Variants in IPCEF1 observed in about 807,000 individuals in gnomAD.
IPCEF1 encodes the protein interaction protein for cytohesin exchange factors 1.
A neutral mutation model predicts 50.9 loss-of-function variants in IPCEF1; 31 were observed. The observed-to-expected ratio is 0.61, with a 90% CI of 0.46 to 0.82. IPCEF1 has a LOEUF of 0.82. Ranked by LOEUF, IPCEF1 falls within the 40% of genes least tolerant of loss-of-function variation. IPCEF1 has a pLI of 0.00. For missense variants in IPCEF1, 458 were observed against 514.0 expected, an observed-to-expected ratio of 0.89 and a Z score of 1.05; for synonymous variants, 181 against 192.0, an observed-to-expected ratio of 0.94 and a Z score of 0.47.
chr6:154,300,991 T>C lies in IPCEF1; in HGVS notation c.-61-11235A>G, dbSNP rs768687326. ...CTTAGCTCCACATTTAAGTGGCTTATAATCAATAAATCTATAAAACAAGTT... is the reference window on the plus strand; with the variant it reads ...CTTAGCTCCACATTTAAGTGGCTTACAATCAATAAATCTATAAAACAAGTT... On this transcript the variant is annotated intron_variant, in intron 1 of 11. Coordinates refer to ENST00000367220, the MANE Select transcript of IPCEF1 (RefSeq NM_001130700.2). Among the ~76,000 whole-genome samples, 88 of 152,366 alleles carry C rather than the reference T, an allele frequency of 5.8e-4. 1 individual carries two copies. The highest frequency in any genetic ancestry group is 1.1e-3 in the Non-Finnish European group (78 of 68,040).
chr6:154,301,028 T>C (rs747077857), intron 1 of IPCEF1, among the ~76,000 whole-genome samples: 1 of 152,206 alleles, frequency 6.6e-6, no homozygotes, highest in Non-Finnish European at 1.5e-5. Flanking sequence ...ACTCGGCCAC[T>C]TACTAAAGCA....
intron 10 of IPCEF1, among the ~76,000 whole-genome samples, chr6:154,169,687 G>A (rs1799720359): frequency 6.6e-6 from 1 of 152,080 alleles, no homozygotes; most frequent in Non-Finnish European, 1.5e-5. Flanking sequence ...ACCACACTTT[G>A]CCAGCCTCGG....
At chr6:154,226,336 G>A (rs900589979) in intron 5 of IPCEF1, among the ~76,000 whole-genome samples, 1 of 152,060 alleles carries the variant, frequency 6.6e-6, no homozygotes, top group Non-Finnish European at 1.5e-5. Flanking sequence ...TATTCCCATG[G>A]GCCCCGCAAG....
chr6:154,206,740 T>C (rs1013492725), intron 9 of IPCEF1, among the ~76,000 whole-genome samples: 1 of 152,142 alleles, frequency 6.6e-6, no homozygotes, highest in African/African-American at 2.4e-5. Flanking sequence ...GAAAGATACT[T>C]AGAAGGTGGG....
At chr6:154,248,711 A>G (rs1181153752) in intron 3 of IPCEF1, among the ~76,000 whole-genome samples, 2 of 152,130 alleles carry the variant, frequency 1.3e-5, no homozygotes. Context: ...GTGGTGCCCA[A>G]GAAAATAGCA....
At chr6:154,253,832 T>A (rs1470586184) in intron 3 of IPCEF1, among the ~76,000 whole-genome samples, 2 of 152,204 alleles carry the variant, frequency 1.3e-5, no homozygotes, top group Non-Finnish European at 2.9e-5. Context: ...CTTCTACCTG[T>A]TTATTTTTTC....
chr6:154,340,249 T>TTAA (rs1031232556), intron 1 of IPCEF1, among the ~76,000 whole-genome samples: 1 of 79,654 alleles, frequency 1.3e-5, no homozygotes, highest in Non-Finnish European at 2.9e-5. Context: ...TTTTAATTTA[T>TTAA]TATTATTATT....
intron 2 of IPCEF1, among the ~76,000 whole-genome samples, chr6:154,268,210 G>A (rs1390613696): frequency 6.6e-6 from 1 of 152,206 alleles, no homozygotes; most frequent in Non-Finnish European, 1.5e-5. Context: ...AGCAGAAGCA[G>A]GCACTCCTGA....
chr6:154,251,086 C>T (rs546503273), intron 3 of IPCEF1, among the ~76,000 whole-genome samples: 1 of 152,272 alleles, frequency 6.6e-6, no homozygotes, highest in African/African-American at 2.4e-5. Flanking sequence ...GATTCTAAAG[C>T]ATCCAATTAA....
intron 5 of IPCEF1, among the ~76,000 whole-genome samples, chr6:154,235,315 G>A (rs1780027989): frequency 6.6e-6 from 1 of 152,208 alleles, no homozygotes; most frequent in Non-Finnish European, 1.5e-5. Flanking sequence ...CAGATCACCT[G>A]AGGTCAGGAG....
chr6:154,209,103 T>C (rs1476162519), intron 9 of IPCEF1, among the ~76,000 whole-genome samples: 1 of 152,256 alleles, frequency 6.6e-6, no homozygotes, highest in Admixed American at 6.5e-5. Flanking sequence ...TTTCATTGTT[T>C]ATCTTGACTC....
chr6:154,322,024 G>A (rs780075480), intron 1 of IPCEF1, among the ~76,000 whole-genome samples: 5 of 151,952 alleles, frequency 3.3e-5, no homozygotes, highest in Non-Finnish European at 5.9e-5. Context: ...TGACTGTGTG[G>A]TTACCCAAGC....
chr6:154,218,762 G>T (rs913787460), intron 7 of IPCEF1, among the ~76,000 whole-genome samples: 1 of 152,166 alleles, frequency 6.6e-6, no homozygotes, highest in South Asian at 2.1e-4. Flanking sequence ...TAAATTTCAG[G>T]CCCAGACAAA....
At chr6:154,260,499 GTC>G (rs986941297) in intron 3 of IPCEF1, among the ~76,000 whole-genome samples, 2 of 144,172 alleles carry the variant, frequency 1.4e-5, no homozygotes, top group East Asian at 4.2e-4. Context: ...TTGAGATGGA[GTC>G]TCTCTCTATC....
At chr6:154,229,997 G>A (rs755666705) in intron 5 of IPCEF1, among the ~76,000 whole-genome samples, 1 of 152,140 alleles carries the variant, frequency 6.6e-6, no homozygotes, top group Non-Finnish European at 1.5e-5. Flanking sequence ...CCATTTCTAG[G>A]AAGTGTCCAG....
chr6:154,334,516 G>A (rs142847679), intron 1 of IPCEF1, among the ~76,000 whole-genome samples: 3,363 of 152,262 alleles, frequency 0.022, 57 homozygotes, highest in Middle Eastern at 0.075. Flanking sequence ...CAAGGCTAAG[G>A]ATACATGCCC....
chr6:154,298,078 C>G (rs1340544459), intron 1 of IPCEF1, among the ~76,000 whole-genome samples: 1 of 152,184 alleles, frequency 6.6e-6, no homozygotes, highest in Non-Finnish European at 1.5e-5. Context: ...AGGTCAGGAA[C>G]ACTTTTGAGG....
At chr6:154,341,677 G>T (rs910144824) in intron 1 of IPCEF1, among the ~76,000 whole-genome samples, 5 of 152,112 alleles carry the variant, frequency 3.3e-5, no homozygotes, top group African/African-American at 7.2e-5. Context: ...CCACTGGAAG[G>T]TTCAATGCGT....
At chr6:154,186,127 T>G (rs1801324426) in intron 10 of IPCEF1, among the ~76,000 whole-genome samples, 1 of 152,234 alleles carries the variant, frequency 6.6e-6, no homozygotes, top group African/African-American at 2.4e-5. Context: ...CTGAAGATTA[T>G]CCATTTTAAA....
Sources: gnomAD v4.1 joint callset for allele counts (sites outside exome capture counted in the v4.1 genomes callset) on GRCh38, gnomAD v4.1.1 for gene constraint, MANE v1.5 for transcripts, NCBI Gene and HGNC (gene_info 2026-07-23, HGNC 2026-07-21) for gene names.